Variants in ZFAND3 observed in about 807,000 individuals in gnomAD.
The protein encoded by ZFAND3 is zinc finger AN1-type containing 3, also known as AN1-type zinc finger protein 3.
Under a neutral mutation model 29.6 loss-of-function variants are expected in ZFAND3, and 10 were observed. That is an observed-to-expected ratio of 0.34 (90% CI 0.21 to 0.57). The LOEUF is 0.57. ZFAND3 is among the 20% of genes least tolerant of loss of function. The pLI is 0.86. For synonymous variants in ZFAND3, 128 were observed against 112.6 expected, an observed-to-expected ratio of 1.14 and a Z score of -0.87; for missense variants, 230 against 304.5, an observed-to-expected ratio of 0.76 and a Z score of 1.82.
intron 1 of ZFAND3, among the ~76,000 whole-genome samples, chr6:37,923,811 A>G (rs1761429875): frequency 6.6e-6 from 1 of 152,216 alleles, no homozygotes; most frequent in Non-Finnish European, 1.5e-5. Context: ...TATGCAGTGC[A>G]TGACTATATG....
intron 1 of ZFAND3, among the ~76,000 whole-genome samples, chr6:37,827,746 G>A (rs1000931978): frequency 1.3e-5 from 2 of 152,220 alleles, no homozygotes; most frequent in Non-Finnish European, 2.9e-5. Flanking sequence ...GAGGGATGAT[G>A]TACTAGCTAA....
intron 1 of ZFAND3, among the ~76,000 whole-genome samples, chr6:37,901,833 T>C (rs1765324197): frequency 6.6e-6 from 1 of 152,218 alleles, no homozygotes; most frequent in African/African-American, 2.4e-5. Flanking sequence ...TCACAAAAGC[T>C]GAAGGGATTC....
intron 5 of ZFAND3, among the ~76,000 whole-genome samples, chr6:38,119,724 G>C (rs977147466): frequency 3.9e-5 from 6 of 152,234 alleles, no homozygotes; most frequent in Admixed American, 1.3e-4. Flanking sequence ...TCCAAACACT[G>C]CCAGTGAGGC....
At chr6:37,864,984 A>C (rs373914991) in intron 1 of ZFAND3, among the ~76,000 whole-genome samples, 1 of 152,292 alleles carries the variant, frequency 6.6e-6, no homozygotes, top group East Asian at 1.9e-4. Flanking sequence ...GTTTGAGACC[A>C]GCCTGGCCAA....
At chr6:38,125,380 G>A (rs1221943696) in intron 5 of ZFAND3, among the ~76,000 whole-genome samples, 1 of 152,194 alleles carries the variant, frequency 6.6e-6, no homozygotes, top group African/African-American at 2.4e-5. Flanking sequence ...GACTGTCCCA[G>A]AGACCCAGCC....
At chr6:38,091,692 T>TA (rs1434467004) in intron 4 of ZFAND3, among the ~76,000 whole-genome samples, 1 of 32,030 alleles carries the variant, frequency 3.1e-5, no homozygotes. Flanking sequence ...TTAAGGAGCC[T>TA]TTTTTTTTTT....
chr6:38,134,806 G>C (rs1004404050), intron 5 of ZFAND3, among the ~76,000 whole-genome samples: 2 of 152,212 alleles, frequency 1.3e-5, no homozygotes, highest in Non-Finnish European at 2.9e-5. Flanking sequence ...ACATTTTGCT[G>C]TCTTGTTGCC....
intron 2 of ZFAND3, among the ~76,000 whole-genome samples, chr6:38,047,133 A>G (rs1763919025): frequency 6.6e-6 from 1 of 152,080 alleles, no homozygotes; most frequent in African/African-American, 2.4e-5. Context: ...CCTGGCCAAC[A>G]TGGTGAAACC....
chr6:37,935,985 AT>A (rs558051645), intron 2 of ZFAND3, among the ~76,000 whole-genome samples: 2 of 151,390 alleles, frequency 1.3e-5, no homozygotes, highest in African/African-American at 2.4e-5. Context: ...TGCCTATGGT[AT>A]TTTTTTTTGT....
chr6:38,065,928 G>C (rs561566628), intron 3 of ZFAND3, among the ~76,000 whole-genome samples: 24 of 152,194 alleles, frequency 1.6e-4, no homozygotes, highest in Non-Finnish European at 2.9e-4. Context: ...TAAGTGCTGA[G>C]TATAGAAATG....
At chr6:38,085,671 C>A (rs1203966165) in intron 4 of ZFAND3, among the ~76,000 whole-genome samples, 2 of 152,056 alleles carry the variant, frequency 1.3e-5, no homozygotes, top group East Asian at 3.9e-4. Flanking sequence ...AACTCTTGAG[C>A]TCAGGCAGTC....
intron 3 of ZFAND3, among the ~76,000 whole-genome samples, chr6:38,072,776 A>G (rs187463951): frequency 9.2e-5 from 14 of 152,350 alleles, no homozygotes; most frequent in Admixed American, 2.6e-4. Context: ...AAAAATGACT[A>G]TGTAACTGTA....
intron 2 of ZFAND3, among the ~76,000 whole-genome samples, chr6:38,030,945 G>A (rs1414610135): frequency 6.6e-6 from 1 of 152,160 alleles, no homozygotes; most frequent in Admixed American, 6.5e-5. Flanking sequence ...ACAATGGATG[G>A]CAGTAACATA....
chr6:38,107,231 G>A (rs1765227532), intron 4 of ZFAND3, among the ~76,000 whole-genome samples: 1 of 152,184 alleles, frequency 6.6e-6, no homozygotes, highest in African/African-American at 2.4e-5. Context: ...AACAAATCAT[G>A]ATTGAAAGCA....
At chr6:37,850,003 C>G (rs1561910348) in intron 1 of ZFAND3, among the ~76,000 whole-genome samples, 1 of 152,128 alleles carries the variant, frequency 6.6e-6, no homozygotes, top group Admixed American at 6.5e-5. Flanking sequence ...CTGCGGGTAC[C>G]TATAAAATGG....
At chr6:37,921,312 T>C (rs1382860652) in intron 1 of ZFAND3, among the ~76,000 whole-genome samples, 1 of 152,152 alleles carries the variant, frequency 6.6e-6, no homozygotes, top group African/African-American at 2.4e-5. Context: ...ACATGTCTAG[T>C]GTAGAGAAGT....
At chr6:38,100,647 G>A (rs1055153116) in intron 4 of ZFAND3, among the ~76,000 whole-genome samples, 1 of 152,156 alleles carries the variant, frequency 6.6e-6, no homozygotes, top group African/African-American at 2.4e-5. Flanking sequence ...GACCTAAGCA[G>A]TGTCAGCATT....
At chr6:37,904,209 G>C (rs1322812642) in intron 1 of ZFAND3, among the ~76,000 whole-genome samples, 2 of 152,176 alleles carry the variant, frequency 1.3e-5, no homozygotes, top group Non-Finnish European at 2.9e-5. Context: ...GGTGTATACA[G>C]TTTGTCATGT....
intron 5 of ZFAND3, among the ~76,000 whole-genome samples, chr6:38,151,104 C>G (rs748595559): frequency 6.6e-6 from 1 of 152,298 alleles, no homozygotes; most frequent in East Asian, 1.9e-4. Context: ...GCGTATCGGC[C>G]GCTCTAGAGA....
Sources: allele counts gnomAD v4.1 joint callset (sites outside exome capture counted in the v4.1 genomes callset), GRCh38; gene constraint gnomAD v4.1.1; transcripts MANE v1.5; gene names NCBI Gene and HGNC (gene_info 2026-07-23, HGNC 2026-07-21).